CAMK1D: variants seen among roughly 807,000 people sequenced by gnomAD.
CAMK1D encodes calcium/calmodulin dependent protein kinase ID, also known as calcium/calmodulin-dependent protein kinase type 1D.
A neutral mutation model predicts 47.7 loss-of-function variants in CAMK1D; 9 were observed. The ratio of observed to expected loss-of-function variants is 0.19; its 90% confidence interval spans 0.11 to 0.33. The LOEUF is 0.33. Among genes scored for constraint, CAMK1D ranks in the 10% least tolerant of loss-of-function variants. The probability of loss-of-function intolerance (pLI) is 1.00; values close to 1 mark genes in which losing one functional copy is unlikely to be tolerated. For synonymous variants in CAMK1D, 184 were observed against 184.9 expected (o/e 0.99, Z 0.04); for missense variants, 291 against 488.7 (o/e 0.60, Z 3.81).
At chr10:12,525,025 T>C (rs930680407) in intron 1 of CAMK1D, among the ~76,000 whole-genome samples, 4 of 152,224 alleles carry the variant, frequency 2.6e-5, no homozygotes, top group Non-Finnish European at 5.9e-5. Flanking sequence ...TTGGATAGAA[T>C]TTAAAATCTT....
Position 12,630,150 on chromosome 10 carries a change from C to T in CAMK1D, c.225-36586C>T, listed in dbSNP as rs966695191. On this transcript the variant is annotated intron_variant, in intron 2 of 10. Coordinates refer to ENST00000619168, the MANE Select transcript of CAMK1D (RefSeq NM_153498.4). ...GGATACTAAAAATGAAGCCCCATCTCTTCACCCTGATATTCGAAGCTGCTT... is the reference window on the plus strand; with the variant it reads ...GGATACTAAAAATGAAGCCCCATCTTTTCACCCTGATATTCGAAGCTGCTT... Among the ~76,000 whole-genome samples the T allele has an allele frequency of 2.6e-5, 4 of 152,168 alleles. No individual in the cohort carries two copies. In the South Asian group the frequency reaches 8.3e-4, roughly 32 times the overall value.
intron 2 of CAMK1D, among the ~76,000 whole-genome samples, chr10:12,662,182 T>A (rs911290043): frequency 2.1e-4 from 32 of 152,320 alleles, no homozygotes; most frequent in African/African-American, 7.5e-4. Context: ...ATGGGATGGA[T>A]ATTTACCAAG....
At chr10:12,476,407 A>G (rs1833904474) in intron 1 of CAMK1D, among the ~76,000 whole-genome samples, 1 of 152,138 alleles carries the variant, frequency 6.6e-6, no homozygotes, top group Admixed American at 6.6e-5. Context: ...CAGAGCATGC[A>G]TTTATTTTAG....
At chr10:12,589,463 G>T (rs563444069) in intron 2 of CAMK1D, among the ~76,000 whole-genome samples, 4 of 152,308 alleles carry the variant, frequency 2.6e-5, no homozygotes, top group African/African-American at 9.6e-5. Context: ...TTCACTGACC[G>T]TGCTTGCTTT....
intron 3 of CAMK1D, among the ~76,000 whole-genome samples, chr10:12,735,159 C>T (rs746442261): frequency 3.9e-5 from 6 of 152,114 alleles, no homozygotes; most frequent in South Asian, 2.1e-4. Context: ...TAATTATGCC[C>T]GTTTTACAGA....
chr10:12,503,030 G>T (rs917345552), intron 1 of CAMK1D, among the ~76,000 whole-genome samples: 3 of 152,220 alleles, frequency 2.0e-5, no homozygotes, highest in Admixed American at 2.0e-4. Context: ...ATATGCATGT[G>T]TGTGTGTGTG....
chr10:12,420,452 T>C (rs1248238528), intron 1 of CAMK1D, among the ~76,000 whole-genome samples: 1 of 152,254 alleles, frequency 6.6e-6, no homozygotes, highest in Non-Finnish European at 1.5e-5. Context: ...CAAGGCATTA[T>C]TGGCAGTGGA....
chr10:12,798,694 G>C (rs888352221), intron 6 of CAMK1D, among the ~76,000 whole-genome samples: 3 of 152,220 alleles, frequency 2.0e-5, no homozygotes, highest in African/African-American at 7.2e-5. Context: ...TTGTGTATGA[G>C]AAAAGAGATG....
chr10:12,713,420 C>A (rs1834008111), intron 3 of CAMK1D, among the ~76,000 whole-genome samples: 1 of 152,112 alleles, frequency 6.6e-6, no homozygotes, highest in Non-Finnish European at 1.5e-5. Flanking sequence ...AACTTTGCTC[C>A]CACGAATTCC....
chr10:12,626,821 T>C (rs1173580734), intron 2 of CAMK1D, among the ~76,000 whole-genome samples: 1 of 152,174 alleles, frequency 6.6e-6, no homozygotes, highest in African/African-American at 2.4e-5. Context: ...ATTTCTTGAT[T>C]CATCTGTTTT....
chr10:12,435,482 G>T (rs573941756), intron 1 of CAMK1D, among the ~76,000 whole-genome samples: 143 of 152,162 alleles, frequency 9.4e-4, no homozygotes, highest in African/African-American at 3.4e-3. Context: ...TGGAGTTCCT[G>T]TTACCTCAAG....
chr10:12,754,383 C>G (rs1035396820), intron 3 of CAMK1D, among the ~76,000 whole-genome samples: 34 of 152,180 alleles, frequency 2.2e-4, no homozygotes, highest in African/African-American at 8.2e-4. Context: ...CAGATGGAAA[C>G]AGAGACAGCC....
At chr10:12,690,747 G>A (rs879434406) in intron 3 of CAMK1D, among the ~76,000 whole-genome samples, 9 of 152,270 alleles carry the variant, frequency 5.9e-5, no homozygotes, top group East Asian at 5.8e-4. Flanking sequence ...GGACTGCGTG[G>A]TGCGGGGGTG....
intron 1 of CAMK1D, among the ~76,000 whole-genome samples, chr10:12,432,218 C>T (rs992448425): frequency 1.3e-5 from 2 of 152,146 alleles, no homozygotes; most frequent in East Asian, 1.9e-4. Context: ...GAAACTTGCC[C>T]GTGGTGGTGG....
Position 12,810,744 on chromosome 10 carries a change from G to A in CAMK1D, c.642-3451G>A, listed in dbSNP as rs536931786. The stretch of plus-strand genomic sequence containing the variant: ...TCAACGCCCGAAGTTCAATTCTTGA[G>A]TCCCCTCCCTTTAGTGCATGAGCAA... On this transcript the variant is annotated intron_variant, in intron 6 of 10. Coordinates refer to ENST00000619168, the MANE Select transcript of CAMK1D (RefSeq NM_153498.4). 2.0e-5 allele frequency among the ~76,000 whole-genome samples: 3 copies of A among 152,322 alleles called. No homozygotes were observed. The South Asian group carries it at 6.2e-4, about 32-fold the overall frequency.
intron 5 of CAMK1D, among the ~76,000 whole-genome samples, chr10:12,782,091 A>C (rs959841311): frequency 6.6e-6 from 1 of 151,976 alleles, no homozygotes; most frequent in Non-Finnish European, 1.5e-5. Context: ...CCCAACAGAA[A>C]AGATCAGAGC....
chr10:12,381,397 A>G (rs947997304), intron 1 of CAMK1D, among the ~76,000 whole-genome samples: 3 of 148,308 alleles, frequency 2.0e-5, no homozygotes, highest in African/African-American at 7.5e-5. Context: ...GCTGGAGTGC[A>G]CGATCTTGGT....
At chr10:12,472,858 C>G (rs1833789367) in intron 1 of CAMK1D, among the ~76,000 whole-genome samples, 1 of 152,146 alleles carries the variant, frequency 6.6e-6, no homozygotes, top group African/African-American at 2.4e-5. Context: ...TTTCTATATG[C>G]AGGGCCCTTA....
chr10:12,543,811 A>G (rs1302934442), intron 1 of CAMK1D, among the ~76,000 whole-genome samples: 1 of 152,132 alleles, frequency 6.6e-6, no homozygotes, highest in Non-Finnish European at 1.5e-5. Context: ...TCACTTGGAG[A>G]GGACTGAGAG....
Sources: gnomAD v4.1 joint callset for allele counts (sites outside exome capture counted in the v4.1 genomes callset) on GRCh38, gnomAD v4.1.1 for gene constraint, MANE v1.5 for transcripts, NCBI Gene and HGNC (gene_info 2026-07-23, HGNC 2026-07-21) for gene names.